KPNB1: variants seen among roughly 807,000 people sequenced by gnomAD.
The protein encoded by KPNB1 is importin subunit beta-1.
A neutral mutation model predicts 113.0 loss-of-function variants in KPNB1; 7 were observed. The ratio of observed to expected loss-of-function variants is 0.06; its 90% confidence interval spans 0.04 to 0.12. The LOEUF is 0.12. Ranked by LOEUF, KPNB1 falls within the 10% of genes least tolerant of loss-of-function variation. The probability of loss-of-function intolerance (pLI) is 1.00; values close to 1 mark genes in which losing one functional copy is unlikely to be tolerated. For missense variants in KPNB1, 400 were observed against 1,054.8 expected (o/e 0.38, Z 8.60); for synonymous variants, 363 against 378.6 (o/e 0.96, Z 0.48).
intron 11 of KPNB1, 104 bp downstream of exon 11, chr17:47,669,973 T>C: frequency 1.2e-6 from 1 of 842,088 alleles, no homozygotes; most frequent in Non-Finnish European, 1.9e-6. Flanking sequence ...GAATGCTTTT[T>C]CTGATTTTCT....
chr17:47,678,034 G>A lies in KPNB1; in HGVS notation c.2104-12G>A, dbSNP rs1454858169. On this transcript the variant is annotated splice_polypyrimidine_tract_variant and intron_variant, in intron 17 of 21. Transcript: ENST00000290158. ...TTTGACTTAATTCACTTTTCCTTTT[G>A]TTCCTTGTCAGAATGAGAACGTCCA... The A allele has an allele frequency of 1.2e-6, 2 of 1,609,316 alleles. No individual in the cohort carries two copies. Among genetic ancestry groups the A allele is most frequent in the African/African-American group, 2.7e-5 (2 of 74,776 alleles).
chr17:47,676,253 T>C (rs1376413274), intron 15 of KPNB1, among the ~76,000 whole-genome samples, 156 bp from the exon 16 acceptor site: 1 of 152,218 alleles, frequency 6.6e-6, no homozygotes, highest in Non-Finnish European at 1.5e-5. Flanking sequence ...ATGCAAGCCT[T>C]TAATGTCTTC....
chr17:47,650,508 G>T, intron 2 of KPNB1, 64 bp downstream of exon 2: 1 of 1,473,902 alleles, frequency 6.8e-7, no homozygotes, highest in Middle Eastern at 2.3e-4. Flanking sequence ...GGGCCTTCCC[G>T]CCCTCCCGGA....
chr17:47,680,367 C>A, intron 20 of KPNB1, 141 bp from the exon 21 acceptor site: 1 of 945,114 alleles, frequency 1.1e-6, no homozygotes, highest in Non-Finnish European at 1.6e-6. Context: ...TCAACAATTG[C>A]CTCTGTCTAG....
At chr17:47,680,172 T>C in intron 20 of KPNB1, 38 bp downstream of exon 20, 2 of 1,361,210 alleles carry the variant, frequency 1.5e-6, no homozygotes, top group Non-Finnish European at 2.1e-6. Context: ...GAATAGAACT[T>C]CTCACAGAAA....
At chr17:47,661,781 C>G (rs1490374921) in intron 6 of KPNB1, among the ~76,000 whole-genome samples, 1 of 152,040 alleles carries the variant, frequency 6.6e-6, no homozygotes, top group Admixed American at 6.6e-5. Context: ...GACACCATCT[C>G]TACTAAAAAA....
intron 3 of KPNB1, among the ~76,000 whole-genome samples, chr17:47,656,077 A>T (rs1915708166): frequency 6.6e-6 from 1 of 152,046 alleles, no homozygotes; most frequent in African/African-American, 2.4e-5. Context: ...AACATGGTGA[A>T]ACCCCATCTC....
chr17:47,681,583 T>G (rs1370862699), intron 21 of KPNB1, among the ~76,000 whole-genome samples: 2 of 152,026 alleles, frequency 1.3e-5, no homozygotes, highest in Non-Finnish European at 2.9e-5. Context: ...AGTTTTTGTA[T>G]TTTTAGTAAA....
intron 19 of KPNB1, 28 bp from the exon 20 acceptor site, chr17:47,679,992 C>T (rs758075248): frequency 3.1e-5 from 47 of 1,527,258 alleles, no homozygotes; most frequent in Non-Finnish European, 4.0e-5. Flanking sequence ...CCACCGCACC[C>T]GACCAATACC....
At chr17:47,666,864 AC>A (rs1211361731) in intron 9 of KPNB1, among the ~76,000 whole-genome samples, 6 of 151,266 alleles carry the variant, frequency 4.0e-5, no homozygotes, top group African/African-American at 1.5e-4. Flanking sequence ...TGATCCGCCC[AC>A]CTCAGTCTCC....
At chr17:47,679,242 C>T (rs2030701713) in intron 19 of KPNB1, among the ~76,000 whole-genome samples, 1 of 152,114 alleles carries the variant, frequency 6.6e-6, no homozygotes, top group Admixed American at 6.5e-5. Flanking sequence ...TTCTTTTTCT[C>T]ATATTTCTTG....
chr17:47,670,039 A>T (rs746548713), intron 11 of KPNB1, among the ~76,000 whole-genome samples, 170 bp downstream of exon 11: 11 of 152,232 alleles, frequency 7.2e-5, no homozygotes, highest in Non-Finnish European at 1.2e-4. Flanking sequence ...AGCCAGTGGG[A>T]ACACTTGACT....
At chr17:47,656,372 C>T (rs1248570814) in intron 3 of KPNB1, among the ~76,000 whole-genome samples, 1 of 152,138 alleles carries the variant, frequency 6.6e-6, no homozygotes, top group Admixed American at 6.5e-5. Context: ...TAGGGAGACC[C>T]CCATCTCTAC....
rs776254334 is a variant in KPNB1, at chr17:47,652,843, T to C, written c.249T>C (p.Ile83=). 6 of 1,606,068 alleles carry C rather than the reference T, an allele frequency of 3.7e-6. No individual in the cohort carries two copies. In the East Asian group the frequency reaches 1.3e-4, roughly 36 times the overall value. Residue 83 remains isoleucine, a synonymous_variant, in exon 3 of 22, where the codon ATT becomes ATC. Transcript: ENST00000290158. ...KAQYQQRWLA[I]DANARREVKN... The stretch of plus-strand genomic sequence containing the variant: ...AATATCAGCAGAGGTGGCTTGCTAT[T>C]GATGCTAATGCTCGACGAGAAGTCA...
chr17:47,652,617 T>G (rs1915612305), intron 2 of KPNB1, 77 bp from the exon 3 acceptor site: 2 of 1,227,432 alleles, frequency 1.6e-6, no homozygotes, highest in Non-Finnish European at 2.2e-6. Flanking sequence ...CTCTGGTGGT[T>G]CAGTGCTCTA....
chr17:47,667,967 CTTG>C (rs1214525214), intron 9 of KPNB1, among the ~76,000 whole-genome samples: 3 of 152,014 alleles, frequency 2.0e-5, no homozygotes, highest in African/African-American at 4.8e-5. Flanking sequence ...TTTTTTCATT[CTTG>C]TTGTGTAGTA....
In KPNB1 at chr17:47,684,446, T is replaced by C. The variant is rs1396303895; in HGVS notation, c.*2042T>C. ...GCCCTATTAAGAAGAGGCCTGGTCC[T>C]CTAATGCCTTGTTTCCATTTCAGTT... On this transcript the variant is annotated 3_prime_UTR_variant, in exon 22 of 22. Coordinates refer to ENST00000290158, the MANE Select transcript of KPNB1 (RefSeq NM_002265.6). The C allele has an allele frequency of 2.6e-5, 4 of 152,212 alleles. No individual in the cohort carries two copies. In the East Asian group the frequency reaches 5.8e-4, roughly 22 times the overall value. 9.4% of individuals were successfully genotyped at this position (152,212 alleles called of 1,614,324 possible).
chr17:47,667,428 T>C (rs892850469), intron 9 of KPNB1, among the ~76,000 whole-genome samples: 1 of 150,474 alleles, frequency 6.6e-6, no homozygotes, highest in African/African-American at 2.5e-5. Flanking sequence ...CACTGCACCT[T>C]GCCTCTTTTT....
rs3200046 is a variant in KPNB1, at chr17:47,683,476, C to T, written c.*1072C>T. The T allele has an allele frequency of 1.3e-5, 2 of 152,478 alleles. No homozygotes were observed. Among genetic ancestry groups the T allele is most frequent in the Non-Finnish European group, 2.9e-5 (2 of 68,024 alleles). 9.4% of individuals were successfully genotyped at this position (152,478 alleles called of 1,614,324 possible). A position where few individuals can be genotyped will look rare whatever the true frequency, so the allele number is the denominator to read the frequency against. ...CTCTCCTGACTTGTATTGTGGCAGT[C>T]TGAACGCCCCCAGAAAATTGTGCCA... On this transcript the variant is annotated 3_prime_UTR_variant, in exon 22 of 22. Transcript: ENST00000290158.
Sources: allele counts gnomAD v4.1 joint callset (sites outside exome capture counted in the v4.1 genomes callset), GRCh38; gene constraint gnomAD v4.1.1; transcripts MANE v1.5; gene names NCBI Gene and HGNC (gene_info 2026-07-23, HGNC 2026-07-21).